Variants in MAP3K2 observed in about 807,000 individuals in gnomAD.
MAP3K2 encodes mitogen-activated protein kinase kinase kinase 2, also known as MAP/ERK kinase kinase 2.
MAP3K2 carries 24 observed loss-of-function variants against 80.3 expected under a neutral mutation model. The ratio of observed to expected loss-of-function variants is 0.30; its 90% CI spans 0.22 to 0.42. The LOEUF (loss-of-function observed/expected upper bound fraction) is 0.42, where lower values mean the gene tolerates loss of function less well. Among genes scored for constraint, MAP3K2 ranks in the 10% least tolerant of loss-of-function variants. MAP3K2 has a pLI of 1.00. For missense variants in MAP3K2, 608 were observed against 750.1 expected, an observed-to-expected ratio of 0.81 and a Z score of 2.21; for synonymous variants, 244 against 253.7, an observed-to-expected ratio of 0.96 and a Z score of 0.36.
At chr2:127,351,355 A>G (rs1003208392) in intron 1 of MAP3K2, among the ~76,000 whole-genome samples, 2 of 152,152 alleles carry the variant, frequency 1.3e-5, no homozygotes, top group Non-Finnish European at 2.9e-5. Context: ...ACCTCATGTT[A>G]GCAAGTTACT....
rs143664342 is a variant in MAP3K2 at position 127,345,226 on chromosome 2, C to G, written c.-65-2032G>C. 2.0e-5 allele frequency among the ~76,000 whole-genome samples: 3 copies of G among 152,280 alleles called. No homozygotes were observed. The East Asian group carries it at 5.8e-4, about 29-fold the overall frequency. On this transcript the variant is annotated intron_variant, in intron 1 of 16. Coordinates refer to ENST00000682094, the MANE Select transcript of MAP3K2 (RefSeq NM_001371910.2). ...TATACTATGCAAACAGTAGTCAAAACAGACCTGCAGTGGCTACACCACTAT... is the reference window on the plus strand; with the variant it reads ...TATACTATGCAAACAGTAGTCAAAAGAGACCTGCAGTGGCTACACCACTAT...
intron 1 of MAP3K2, among the ~76,000 whole-genome samples, chr2:127,371,446 C>T (rs1687062907): frequency 6.6e-6 from 1 of 152,122 alleles, no homozygotes; most frequent in Non-Finnish European, 1.5e-5. Context: ...TATAAATGTT[C>T]GACAAGGGCC....
intron 7 of MAP3K2, 132 bp from the exon 8 acceptor site, chr2:127,326,949 T>C: frequency 5.5e-6 from 3 of 542,524 alleles, no homozygotes; most frequent in Non-Finnish European, 9.3e-6. Flanking sequence ...TTAAAACTTA[T>C]CAGAACATTC....
intron 10 of MAP3K2, 89 bp downstream of exon 10, chr2:127,324,085 G>T: frequency 2.7e-6 from 3 of 1,105,212 alleles, no homozygotes; most frequent in South Asian, 1.7e-5. Flanking sequence ...ATCTTTATTT[G>T]ACTTTTCAAA....
chr2:127,373,019 T>C (rs958486277), intron 1 of MAP3K2, among the ~76,000 whole-genome samples: 5 of 152,230 alleles, frequency 3.3e-5, no homozygotes, highest in Non-Finnish European at 5.9e-5. Flanking sequence ...AGACTGCTTT[T>C]ATACTATTCC....
rs1481234868 is a variant in MAP3K2 at position 127,339,275 on chromosome 2, GA to G, written c.5-226del. Among the ~76,000 whole-genome samples, 6 of 152,130 alleles carry G rather than the reference GA, an allele frequency of 3.9e-5. No individual in the cohort carries two copies. Among genetic ancestry groups the G allele is most frequent in the African/African-American group, 1.4e-4 (6 of 41,446 alleles). ...CACATGAGACACTAATGGACAAGAT[GA>G]AGTCATTCTGATTCTTCCAATGATT... On this transcript the variant is annotated intron_variant, in intron 2 of 16. Transcript: ENST00000682094. This position sits in a 1 kb window ranked among gnomAD's most constrained non-coding sequence, Gnocchi z 4.2.
Position 127,322,083 on chromosome 2 carries a change from A to G in MAP3K2, c.1008T>C (p.Pro336=), listed in dbSNP as rs1558976120. The G allele has an allele frequency of 6.2e-7, 1 of 1,613,724 alleles. No individual in the cohort carries two copies. The highest frequency in any genetic ancestry group is 1.1e-5 in the South Asian group (1 of 91,014). Residue 336 remains proline (P), a synonymous_variant, in exon 12 of 17, where the codon CCT becomes CCC. Transcript: ENST00000682094. The surrounding 1 kb of genome is among the most constrained non-coding windows in gnomAD (Gnocchi z 4.2). ...IRRRGSDIDN[P]TLTVMDISPP... ...GGCTGATGTCCATTACGGTCAAAGT[A>G]GGATTGTCTATGTCACTTCCCCTTC...
intron 15 of MAP3K2, among the ~76,000 whole-genome samples, chr2:127,311,739 A>AG (rs1428750440): frequency 5.3e-5 from 8 of 152,032 alleles, no homozygotes; most frequent in African/African-American, 1.9e-4. Context: ...CACACCCAAG[A>AG]GGATGAACAA....
chr2:127,325,626 T>A lies in MAP3K2; in HGVS notation c.677+102A>T, dbSNP rs533349759. 195 of 839,342 alleles carry A rather than the reference T, an allele frequency of 2.3e-4. 3 individuals carry two copies. The South Asian group carries it at 2.9e-3, about 12-fold the overall frequency. The allele number at this position is 839,342 out of a possible 1,614,324, so 52.0% of individuals were successfully genotyped here. A position where few individuals can be genotyped will look rare whatever the true frequency, so the allele number is the denominator to read the frequency against. ...CTGATGGAGCCAAGGAGGTCAAGGCTGCAGTAAGCCGCATTCACGCCACTG... is the reference window on the plus strand; with the variant it reads ...CTGATGGAGCCAAGGAGGTCAAGGCAGCAGTAAGCCGCATTCACGCCACTG... On this transcript the variant is annotated intron_variant, in intron 9 of 16. Transcript: ENST00000682094.
chr2:127,355,336 G>C (rs1184593082), intron 1 of MAP3K2, among the ~76,000 whole-genome samples: 6 of 152,082 alleles, frequency 3.9e-5, no homozygotes, highest in Admixed American at 2.6e-4. Flanking sequence ...CAAACGAGAA[G>C]ACAGAAAACA....
In MAP3K2 at chr2:127,387,733, ACCCC is replaced by A; in HGVS notation, c.-351_-348del. On this transcript the variant is annotated 5_prime_UTR_variant, in exon 1 of 17. Coordinates refer to ENST00000682094, the MANE Select transcript of MAP3K2 (RefSeq NM_001371910.2). The stretch of plus-strand genomic sequence containing the variant: ...CTCCTCGGCACTTCTAGCCGCTGCA[ACCCC>A]GAGGCCCGCGGGAACTGGGCAGGAA... The A allele has an allele frequency of 1.0e-6, 1 of 984,792 alleles. No homozygotes were observed. Among genetic ancestry groups the A allele is most frequent in the Non-Finnish European group, 1.2e-6 (1 of 829,698 alleles). The allele number at this position is 984,792 out of a possible 1,614,324, so 61.0% of individuals were successfully genotyped here.
rs73956527 is a variant in MAP3K2, at chr2:127,364,704, A to C, written c.-65-21510T>G. ...TGCCACTAGACTACAATAACCTCAA[A>C]TATAGGAACTATGTCTTCTACTTTA... On this transcript the variant is annotated intron_variant, in intron 1 of 16. Transcript: ENST00000682094. The surrounding 1 kb of genome is among the most constrained non-coding windows in gnomAD (Gnocchi z 4.1). Among the ~76,000 whole-genome samples the C allele has an allele frequency of 8.9e-3, 1,351 of 152,246 alleles. 13 individuals carry two copies. Among genetic ancestry groups the C allele is most frequent in the African/African-American group, 0.031 (1,279 of 41,538 alleles).
intron 12 of MAP3K2, among the ~76,000 whole-genome samples, 169 bp from the exon 13 acceptor site, chr2:127,318,486 T>G (rs994510166): frequency 3.3e-5 from 5 of 152,212 alleles, no homozygotes; most frequent in Non-Finnish European, 7.3e-5. Context: ...ATTTTTCTCT[T>G]TCGTCAATTT....
At position 127,339,083 on chromosome 2, in the gene MAP3K2, T is replaced by C. The variant is rs775586065; in HGVS notation, c.5-33A>G. ...GTTTTGAAACAACACATACATAGAATTGTAATTGTGACATATATATCAACA... is the reference window on the plus strand; with the variant it reads ...GTTTTGAAACAACACATACATAGAACTGTAATTGTGACATATATATCAACA... On this transcript the variant is annotated intron_variant, in intron 2 of 16. Transcript: ENST00000682094. The surrounding 1 kb of genome is among the most constrained non-coding windows in gnomAD (Gnocchi z 4.2). The C allele has an allele frequency of 2.7e-4, 349 of 1,305,200 alleles. No homozygotes were observed. The Middle Eastern group carries it at 5.9e-3, about 22-fold the overall frequency. The allele number at this position is 1,305,200 out of a possible 1,614,324, so 80.9% of individuals were successfully genotyped here.
Position 127,328,321 on chromosome 2 carries a change from C to G in MAP3K2, c.467-1504G>C, listed in dbSNP as rs920270761. 2.6e-5 allele frequency among the ~76,000 whole-genome samples: 4 copies of G among 151,990 alleles called. No individual in the cohort carries two copies. In the East Asian group the frequency reaches 5.8e-4, roughly 22 times the overall value. On this transcript the variant is annotated intron_variant, in intron 7 of 16. Coordinates refer to ENST00000682094, the MANE Select transcript of MAP3K2 (RefSeq NM_001371910.2). Reference sequence around the variant, plus strand: ...GAATTAGCAATTTTTTAAAAAATGACAAGTACCGTAATGTGATAAGAAATG... The same window carrying G: ...GAATTAGCAATTTTTTAAAAAATGAGAAGTACCGTAATGTGATAAGAAATG...
rs566074924 is a variant in MAP3K2, at chr2:127,322,922, G to GT, written c.839-671dup. ...TAATTTTTTTTCTTAAAGGGATGATGTAAGTATCAATCTCATCATCAAAGA... is the reference window on the plus strand; with the variant it reads ...TAATTTTTTTTCTTAAAGGGATGATGTTAAGTATCAATCTCATCATCAAAGA... On this transcript the variant is annotated intron_variant, in intron 11 of 16. Transcript: ENST00000682094. This position sits in a 1 kb window ranked among gnomAD's most constrained non-coding sequence, Gnocchi z 4.2. 9.7e-4 allele frequency among the ~76,000 whole-genome samples: 146 copies of GT among 151,126 alleles called. No homozygotes were observed. The highest frequency in any genetic ancestry group is 1.9e-3 in the Non-Finnish European group (127 of 67,754).
intron 1 of MAP3K2, 51 bp downstream of exon 1, chr2:127,387,401 C>A: frequency 1.3e-6 from 1 of 784,866 alleles, no homozygotes; most frequent in Non-Finnish European, 1.5e-6. Flanking sequence ...CACGCGCGCA[C>A]ACACACACAC....
chr2:127,306,386 A>G lies in MAP3K2; in HGVS notation c.*1193T>C, dbSNP rs1685699517. On this transcript the variant is annotated 3_prime_UTR_variant, in exon 17 of 17. Transcript: ENST00000682094. This position sits in a 1 kb window ranked among gnomAD's most constrained non-coding sequence, Gnocchi z 4.7. ...AATTCATGTTACTAGTATCCCTCCA[A>G]TTGTGACAACCGGAAATGTCTCTAA... is the stretch of plus-strand genomic sequence containing the variant. 2.0e-5 allele frequency: 3 copies of G among 152,114 alleles called. No homozygotes were observed. Among genetic ancestry groups the G allele is most frequent in the Admixed American group, 6.6e-5 (1 of 15,266 alleles). 9.4% of individuals were successfully genotyped at this position (152,114 alleles called of 1,614,324 possible).
intron 14 of MAP3K2, among the ~76,000 whole-genome samples, chr2:127,315,842 TGGGA>T (rs1685891217): frequency 6.6e-6 from 1 of 151,812 alleles, no homozygotes; most frequent in Non-Finnish European, 1.5e-5. Flanking sequence ...ACCATCACTT[TGGGA>T]GGCTGAGGCG....
Sources: gnomAD v4.1 joint callset for allele counts (sites outside exome capture counted in the v4.1 genomes callset) on GRCh38, gnomAD v4.1.1 for gene constraint, Gnocchi (gnomAD v3.1) non-coding constraint, MANE v1.5 for transcripts, NCBI Gene and HGNC (gene_info 2026-07-23, HGNC 2026-07-21) for gene names.